Variants in TTLL5 observed in about 807,000 individuals in gnomAD.
TTLL5 encodes the protein tubulin tyrosine ligase like 5, also known as tubulin polyglutamylase TTLL5.
A neutral mutation model predicts 168.4 loss-of-function variants in TTLL5; 132 were observed. The observed-to-expected ratio is 0.78, with a 90% CI of 0.68 to 0.91. The LOEUF is 0.91. Among genes scored for constraint, TTLL5 ranks in the 40% least tolerant of loss-of-function variants. TTLL5 has a pLI of 0.00. For synonymous variants in TTLL5, 546 were observed against 558.6 expected, an observed-to-expected ratio of 0.98 and a Z score of 0.32; for missense variants, 1,545 against 1,581.5, an observed-to-expected ratio of 0.98 and a Z score of 0.39.
chr14:75,717,756 G>A, intron 9 of TTLL5, 105 bp from the exon 10 acceptor site: 1 of 1,031,084 alleles, frequency 9.7e-7, no homozygotes, highest in Non-Finnish European at 1.4e-6. Context: ...TATTTGTTAG[G>A]TAATGATATT....
Position 75,783,365 on chromosome 14 carries a change from G to A in TTLL5, c.2821G>A (p.Ala941Thr). ...AACAATTTTACTGAACACAGTCTCT[G>A]CCAGTGCTTCTCCCTGCCTACATCC... ...QPTILLNTVS[A>T]SASPCLHPGA... Residue 941 changes from alanine to threonine, a missense_variant, in exon 26 of 32, where the codon GCC becomes ACC. Physicochemically the swap from Ala to Thr is moderately conservative, Grantham distance 58. Transcript: ENST00000298832. The A allele has an allele frequency of 6.2e-7, 1 of 1,614,096 alleles. No individual in the cohort carries two copies. The highest frequency in any genetic ancestry group is 1.1e-5 in the South Asian group (1 of 91,066).
At chr14:75,905,152 A>C (rs2140097338) in intron 31 of TTLL5, among the ~76,000 whole-genome samples, 1 of 152,328 alleles carries the variant, frequency 6.6e-6, no homozygotes, top group South Asian at 2.1e-4. Flanking sequence ...CTAAAAGTTT[A>C]CACCTCTCCC....
At chr14:75,839,242 C>T (rs1051579446) in intron 28 of TTLL5, 1 of 152,274 alleles carries the variant, frequency 6.6e-6, no homozygotes, top group African/African-American at 2.4e-5. Flanking sequence ...GAGATTTTGT[C>T]TTGGAGAAGA....
In TTLL5 at chr14:75,887,028, A is replaced by C; in HGVS notation, c.3740+4126A>C. ...TGCAGTACTTTTCCTTAAATAGCTG[A>C]GATGACCTTCTTTACCCTGGGCTTA... On this transcript the variant is annotated intron_variant, in intron 30 of 31. Transcript: ENST00000298832. 10 of 1,315,012 alleles carry C rather than the reference A, an allele frequency of 7.6e-6. No homozygotes were observed. In the South Asian group the frequency reaches 1.9e-4, roughly 25 times the overall value. 81.5% of individuals were successfully genotyped at this position (1,315,012 alleles called of 1,614,324 possible).
intron 30 of TTLL5, among the ~76,000 whole-genome samples, chr14:75,888,983 C>A (rs1003508112): frequency 6.7e-6 from 1 of 149,922 alleles, no homozygotes; most frequent in Non-Finnish European, 1.5e-5. Flanking sequence ...GGCTTCTAAC[C>A]TCTGGAATGA....
At chr14:75,737,159 A>G (rs1177579557) in intron 15 of TTLL5, among the ~76,000 whole-genome samples, 1 of 152,234 alleles carries the variant, frequency 6.6e-6, no homozygotes, top group East Asian at 1.9e-4. Flanking sequence ...AACTCTAGAA[A>G]ATCTGTTCAA....
At chr14:75,864,863 T>C (rs1239891709) in intron 29 of TTLL5, among the ~76,000 whole-genome samples, 4 of 152,174 alleles carry the variant, frequency 2.6e-5, no homozygotes, top group Admixed American at 2.6e-4. Flanking sequence ...AAGCAACATT[T>C]CCCAAAGGTT....
intron 31 of TTLL5, among the ~76,000 whole-genome samples, chr14:75,924,616 A>G (rs2033946296): frequency 6.6e-6 from 1 of 151,980 alleles, no homozygotes; most frequent in African/African-American, 2.4e-5. Context: ...TCACCGATCA[A>G]CAGGATCCCA....
At chr14:75,934,090 C>T (rs182006013) in intron 31 of TTLL5, among the ~76,000 whole-genome samples, 97 of 152,358 alleles carry the variant, frequency 6.4e-4, no homozygotes, top group Middle Eastern at 3.4e-3. Flanking sequence ...AGTGGCTGGC[C>T]TCCCCTGAGC....
At chr14:75,696,318 G>A (rs892499892) in intron 6 of TTLL5, among the ~76,000 whole-genome samples, 1 of 152,138 alleles carries the variant, frequency 6.6e-6, no homozygotes, top group African/African-American at 2.4e-5. Context: ...GGAAAAGACT[G>A]TATTTTTTAA....
chr14:75,751,868 AT>A (rs1419686210), intron 17 of TTLL5, among the ~76,000 whole-genome samples: 5 of 152,158 alleles, frequency 3.3e-5, no homozygotes, highest in African/African-American at 1.2e-4. Context: ...GAATAAAAGA[AT>A]GGCTGCTCCA....
intron 18 of TTLL5, among the ~76,000 whole-genome samples, chr14:75,759,957 C>A (rs758458709): frequency 6.6e-6 from 1 of 152,090 alleles, no homozygotes; most frequent in Middle Eastern, 3.4e-3. Flanking sequence ...TGTAATAGGG[C>A]AAGATGTCCA....
chr14:75,906,544 C>A (rs2033154866), intron 31 of TTLL5: 2 of 985,684 alleles, frequency 2.0e-6, no homozygotes, highest in Non-Finnish European at 1.2e-6. Flanking sequence ...ATACTTTTTT[C>A]CATTTTTCAG....
chr14:75,727,969 T>C, intron 12 of TTLL5: 1 of 373,676 alleles, frequency 2.7e-6, no homozygotes, highest in Non-Finnish European at 5.3e-6. Context: ...TGTCCAATTA[T>C]CAAGACTTGT....
intron 26 of TTLL5, among the ~76,000 whole-genome samples, chr14:75,784,900 T>A (rs931663715): frequency 1.2e-4 from 19 of 152,222 alleles, no homozygotes; most frequent in Middle Eastern, 3.2e-3. Context: ...TGGAGGAATG[T>A]CTATTTAAAT....
At position 75,863,699 on chromosome 14, in the gene TTLL5, G is replaced by A; in HGVS notation, c.3359G>A (p.Gly1120Glu). ...CAGACAGGGGGATTTGCCTGGGAAG[G>A]AGAAGTAGAAAACAACGTGTACAGC... Reference protein sequence around the residue: ...SLQTGGFAWEGEVENNVYSQA... With the variant: ...SLQTGGFAWEEEVENNVYSQA... The change falls in exon 29 of 32, where the codon GGA becomes GAA. Residue 1120 changes from glycine (G) to glutamate (E), a missense_variant. By Grantham distance (98) the Gly-to-Glu change is moderately conservative. Transcript: ENST00000298832. 6.2e-7 allele frequency: 1 copy of A among 1,612,394 alleles called. No homozygotes were observed. Among genetic ancestry groups the A allele is most frequent in the Non-Finnish European group, 8.5e-7 (1 of 1,179,364 alleles).
At chr14:75,890,933 G>A (rs2032372567) in intron 30 of TTLL5, among the ~76,000 whole-genome samples, 1 of 151,958 alleles carries the variant, frequency 6.6e-6, no homozygotes, top group African/African-American at 2.4e-5. Context: ...GTTGCCCAGG[G>A]TGGTCTTGAT....
At chr14:75,832,148 A>C (rs1251380326) in intron 28 of TTLL5, among the ~76,000 whole-genome samples, 3 of 152,198 alleles carry the variant, frequency 2.0e-5, no homozygotes, top group Admixed American at 6.5e-5. Flanking sequence ...GTCTCAGAGT[A>C]AACTTCTTGC....
chr14:75,936,062 C>T (rs2034425243), intron 31 of TTLL5, among the ~76,000 whole-genome samples: 1 of 152,000 alleles, frequency 6.6e-6, no homozygotes, highest in African/African-American at 2.4e-5. Flanking sequence ...TCCTTTTTGT[C>T]ATTAGAGTTT....
Sources: allele counts gnomAD v4.1 joint callset (sites outside exome capture counted in the v4.1 genomes callset), GRCh38; gene constraint gnomAD v4.1.1; transcripts MANE v1.5; gene names NCBI Gene and HGNC (gene_info 2026-07-23, HGNC 2026-07-21).